TRIM24: variants seen among roughly 807,000 people sequenced by gnomAD.
TRIM24 encodes the protein tripartite motif containing 24, also known as transcription intermediary factor 1-alpha.
Under a neutral mutation model 123.9 loss-of-function variants are expected in TRIM24, and 29 were observed. That is an observed-to-expected ratio of 0.23 (90% CI 0.17 to 0.32). The LOEUF is 0.32. Among genes scored for constraint, TRIM24 ranks in the 10% least tolerant of loss-of-function variants. The probability of loss-of-function intolerance (pLI) is 1.00; values close to 1 mark genes in which losing one functional copy is unlikely to be tolerated. For missense variants in TRIM24, 932 were observed against 1,295.3 expected (o/e 0.72, Z 4.31); for synonymous variants, 456 against 461.1 (o/e 0.99, Z 0.14).
chr7:138,527,987 C>T (rs565822636), intron 5 of TRIM24, among the ~76,000 whole-genome samples: 4 of 152,254 alleles, frequency 2.6e-5, no homozygotes, highest in Non-Finnish European at 5.9e-5. Flanking sequence ...CTTACAGTGG[C>T]GTGAAGCATA....
chr7:138,467,732 A>T (rs1795178460), intron 1 of TRIM24, among the ~76,000 whole-genome samples: 1 of 152,182 alleles, frequency 6.6e-6, no homozygotes, highest in Non-Finnish European at 1.5e-5. Context: ...TCATTGTAGC[A>T]TTCTTGTACA....
intron 1 of TRIM24, among the ~76,000 whole-genome samples, chr7:138,463,058 T>G (rs1279115904): frequency 2.1e-5 from 3 of 143,922 alleles, no homozygotes; most frequent in Non-Finnish European, 4.6e-5. Context: ...TTTTTTTTTT[T>G]TTTTTTTTTT....
chr7:138,571,864 C>G (rs1797664221), intron 11 of TRIM24, among the ~76,000 whole-genome samples: 1 of 82,054 alleles, frequency 1.2e-5, no homozygotes, highest in Admixed American at 1.6e-4. Flanking sequence ...AGCCACTACA[C>G]CCAGCCAGTA....
intron 1 of TRIM24, among the ~76,000 whole-genome samples, chr7:138,481,200 C>T (rs998306442): frequency 2.6e-5 from 4 of 151,912 alleles, no homozygotes; most frequent in East Asian, 1.9e-4. Flanking sequence ...CCATGTTGGT[C>T]GGGCTGGTCT....
At chr7:138,511,139 C>CT (rs1796276065) in intron 2 of TRIM24, among the ~76,000 whole-genome samples, 1 of 152,142 alleles carries the variant, frequency 6.6e-6, no homozygotes, top group African/African-American at 2.4e-5. Flanking sequence ...CACGGTTTCA[C>CT]TGGCTGTACA....
At chr7:138,528,452 G>A (rs910877890) in intron 5 of TRIM24, among the ~76,000 whole-genome samples, 1 of 151,912 alleles carries the variant, frequency 6.6e-6, no homozygotes, top group African/African-American at 2.4e-5. Context: ...TCTGCCTCTG[G>A]GATAAGTCAG....
intron 1 of TRIM24, among the ~76,000 whole-genome samples, chr7:138,497,070 C>G (rs374205669): frequency 1.7e-4 from 26 of 152,262 alleles, no homozygotes; most frequent in African/African-American, 6.0e-4. Context: ...ATTTTAGTAT[C>G]AGGGTAATAC....
intron 5 of TRIM24, among the ~76,000 whole-genome samples, chr7:138,525,874 T>C (rs921678160): frequency 1.3e-5 from 2 of 152,246 alleles, no homozygotes; most frequent in African/African-American, 4.8e-5. Context: ...CACAATTACT[T>C]GTTATGCCTT....
Position 138,586,056 on chromosome 7 carries a change from CAAACTT to C in TRIM24, c.*1108_*1113del, listed in dbSNP as rs1410542676. 4.7e-6 allele frequency: 2 copies of C among 422,678 alleles called. No homozygotes were observed. Among genetic ancestry groups the C allele is most frequent in the Non-Finnish European group, 9.3e-6 (2 of 216,066 alleles). The allele number at this position is 422,678 out of a possible 1,614,324, so 26.2% of individuals were successfully genotyped here. A position where few individuals can be genotyped will look rare whatever the true frequency, so the allele number is the denominator to read the frequency against. On this transcript the variant is annotated 3_prime_UTR_variant, in exon 19 of 19. Coordinates refer to ENST00000343526, the MANE Select transcript of TRIM24 (RefSeq NM_015905.3). The stretch of plus-strand genomic sequence containing the variant: ...GTTTTTCTTTTGAGAGTCAGAACAT[CAAACTT>C]AATCTTTGATCTGACTTCTGATTTT...
intron 1 of TRIM24, among the ~76,000 whole-genome samples, chr7:138,493,143 C>A (rs1795831307): frequency 6.7e-6 from 1 of 150,270 alleles, no homozygotes; most frequent in African/African-American, 2.5e-5. Flanking sequence ...CTTCTGATAT[C>A]CTTTAGCTCT....
At chr7:138,478,980 C>T (rs919986586) in intron 1 of TRIM24, among the ~76,000 whole-genome samples, 1 of 152,132 alleles carries the variant, frequency 6.6e-6, no homozygotes, top group Non-Finnish European at 1.5e-5. Context: ...AGTTAAGGCT[C>T]CATCCTTGAC....
intron 4 of TRIM24, among the ~76,000 whole-genome samples, chr7:138,520,316 G>A (rs1563043910): frequency 1.3e-5 from 2 of 152,174 alleles, no homozygotes; most frequent in Admixed American, 6.5e-5. Flanking sequence ...AGGGACTAAA[G>A]CTCAGCAACT....
chr7:138,577,269 C>G, intron 13 of TRIM24, 151 bp from the exon 14 acceptor site: 1 of 493,604 alleles, frequency 2.0e-6, no homozygotes, highest in Non-Finnish European at 3.4e-6. Flanking sequence ...CTTGCATACA[C>G]CAGTTTCATT....
intron 18 of TRIM24, 35 bp downstream of exon 18, chr7:138,584,034 C>T (rs751695232): frequency 6.4e-7 from 1 of 1,569,128 alleles, no homozygotes; most frequent in Non-Finnish European, 8.6e-7. Flanking sequence ...CAGGAAGGAA[C>T]AGCAGTGTGA....
At chr7:138,493,313 T>A (rs1440461569) in intron 1 of TRIM24, among the ~76,000 whole-genome samples, 1 of 152,242 alleles carries the variant, frequency 6.6e-6, no homozygotes, top group Admixed American at 6.5e-5. Context: ...AATTCGTTTG[T>A]TGAGAACCAA....
At chr7:138,582,354 A>T (rs1797914209) in intron 17 of TRIM24, among the ~76,000 whole-genome samples, 1 of 152,108 alleles carries the variant, frequency 6.6e-6, no homozygotes, top group Admixed American at 6.5e-5. Context: ...CATCCTGGCT[A>T]ACACGGTGAA....
rs1391360337 is a variant in TRIM24, at chr7:138,576,384, A to G, written c.2026A>G (p.Met676Val). 2.5e-6 allele frequency: 4 copies of G among 1,613,400 alleles called. No individual in the cohort carries two copies. Among genetic ancestry groups the G allele is most frequent in the African/African-American group, 1.3e-5 (1 of 74,866 alleles). ...TTCCCCCTCCTCAGGACCTGTTACTATGACTAGTGTACACCCCCCAATACG... is the reference window on the plus strand; with the variant it reads ...TTCCCCCTCCTCAGGACCTGTTACTGTGACTAGTGTACACCCCCCAATACG... ...PSPGLAGPVTMTSVHPPIRSP... is the reference protein window; with the variant it reads ...PSPGLAGPVTVTSVHPPIRSP... The change falls in exon 13 of 19, where the codon ATG becomes GTG. Residue 676 changes from methionine to valine, a missense_variant. This residue lies in a region of TRIM24 where 527 missense variants were observed against 691.3 expected (regional missense o/e 0.76). Coordinates refer to ENST00000343526, the MANE Select transcript of TRIM24 (RefSeq NM_015905.3).
At chr7:138,463,048 T>TTTTTG (rs1795045124) in intron 1 of TRIM24, among the ~76,000 whole-genome samples, 3 of 126,002 alleles carry the variant, frequency 2.4e-5, no homozygotes, top group African/African-American at 8.5e-5. Context: ...TTTGTGTTTT[T>TTTTTG]TTTTTTTTTT....
intron 4 of TRIM24, among the ~76,000 whole-genome samples, chr7:138,522,405 CTG>C (rs1458500301): frequency 6.6e-6 from 1 of 151,794 alleles, no homozygotes; most frequent in African/African-American, 2.4e-5. Flanking sequence ...TTGTGGAACA[CTG>C]TACCCCAAAA....
Sources: allele counts gnomAD v4.1 joint callset (sites outside exome capture counted in the v4.1 genomes callset), GRCh38; gene constraint gnomAD v4.1.1; regional missense constraint gnomAD v4.1.1; transcripts MANE v1.5; gene names NCBI Gene and HGNC (gene_info 2026-07-23, HGNC 2026-07-21).